The following RNF121 variants were observed in gnomAD, a reference collection of about 807,000 sequenced individuals.
RNF121 encodes ring finger protein 121, also known as E3 ubiquitin ligase RNF121.
In RNF121, 21 loss-of-function variants were observed where a neutral mutation model predicts 46.5. The observed-to-expected ratio is 0.45, with a 90% CI of 0.32 to 0.65. The LOEUF (loss-of-function observed/expected upper bound fraction) is 0.65, where lower values mean the gene tolerates loss of function less well. RNF121 is among the 30% of genes least tolerant of loss of function. The pLI, the probability that RNF121 is intolerant of heterozygous loss-of-function variation, is 0.04. For synonymous variants in RNF121, 139 were observed against 144.7 expected, an observed-to-expected ratio of 0.96 and a Z score of 0.28; for missense variants, 346 against 416.0, an observed-to-expected ratio of 0.83 and a Z score of 1.46.
intron 6 of RNF121, among the ~76,000 whole-genome samples, chr11:71,994,086 C>A (rs1360187252): frequency 6.6e-6 from 1 of 152,124 alleles, no homozygotes; most frequent in African/African-American, 2.4e-5. Flanking sequence ...GTGATCCGCC[C>A]TCCTTGGCCT....
Position 71,996,458 on chromosome 11 carries a change from G to C in RNF121, c.*143G>C. 2 of 949,080 alleles carry C rather than the reference G, an allele frequency of 2.1e-6. No individual in the cohort carries two copies. The highest frequency in any genetic ancestry group is 3.1e-6 in the Non-Finnish European group (2 of 653,048). 58.8% of individuals were successfully genotyped at this position (949,080 alleles called of 1,614,324 possible). A position where few individuals can be genotyped will look rare whatever the true frequency, so the allele number is the denominator to read the frequency against. On this transcript the variant is annotated 3_prime_UTR_variant, in exon 9 of 9. Transcript: ENST00000361756. ...AGGACCCCTCTGGCTGTGTCGGACT[G>C]GGGAGGGATATGATGGAGAGCCAGC... is the stretch of plus-strand genomic sequence containing the variant.
chr11:71,930,526 C>A (rs1953253422), intron 1 of RNF121, among the ~76,000 whole-genome samples: 1 of 75,120 alleles, frequency 1.3e-5, no homozygotes, highest in South Asian at 5.4e-4. Context: ...TTGTAGTCTT[C>A]TACCTCCCAA....
intron 5 of RNF121, among the ~76,000 whole-genome samples, chr11:71,989,106 A>G (rs193253012): frequency 7.4e-6 from 1 of 135,074 alleles, no homozygotes; most frequent in Non-Finnish European, 1.6e-5. Context: ...TTGTTTTGAG[A>G]TGGAGTCTTG....
chr11:71,970,765 T>C (rs1318354814), intron 3 of RNF121, among the ~76,000 whole-genome samples: 1 of 152,198 alleles, frequency 6.6e-6, no homozygotes, highest in Non-Finnish European at 1.5e-5. Context: ...AATTTATTTT[T>C]TTCTCTACCT....
At chr11:71,984,697 G>C (rs990705378) in intron 4 of RNF121, among the ~76,000 whole-genome samples, 1 of 148,810 alleles carries the variant, frequency 6.7e-6, no homozygotes, top group Non-Finnish European at 1.5e-5. Context: ...TCCTGGCTTA[G>C]CCTCCCAAGT....
At chr11:71,974,164 A>G (rs765611739) in intron 3 of RNF121, among the ~76,000 whole-genome samples, 44 of 152,086 alleles carry the variant, frequency 2.9e-4, no homozygotes, top group Non-Finnish European at 2.6e-4. Flanking sequence ...GATGGTCTCA[A>G]TCTCCTGACC....
chr11:71,949,504 C>T (rs1236930533), intron 1 of RNF121, among the ~76,000 whole-genome samples: 2 of 152,052 alleles, frequency 1.3e-5, no homozygotes, highest in Non-Finnish European at 2.9e-5. Flanking sequence ...CACTTGAGGT[C>T]AGGAGTTCAA....
At chr11:71,970,371 A>T (rs143804002) in intron 3 of RNF121, among the ~76,000 whole-genome samples, 1 of 152,346 alleles carries the variant, frequency 6.6e-6, no homozygotes, top group African/African-American at 2.4e-5. Context: ...AAACCACAAA[A>T]GTAGTTTTGG....
intron 1 of RNF121, 130 bp from the exon 2 acceptor site, chr11:71,957,097 G>C (rs1385626047): frequency 1.3e-6 from 1 of 761,076 alleles, no homozygotes; most frequent in African/African-American, 1.7e-5. Context: ...GGTTGGTAAG[G>C]CTTCATAGAG....
chr11:71,929,963 T>G (rs1330353480), intron 1 of RNF121, among the ~76,000 whole-genome samples: 2 of 152,230 alleles, frequency 1.3e-5, no homozygotes, highest in Non-Finnish European at 2.9e-5. Flanking sequence ...TCTTCTGGAT[T>G]TATGAGTTCC....
intron 1 of RNF121, among the ~76,000 whole-genome samples, chr11:71,938,310 C>A: frequency 1.2e-5 from 1 of 86,474 alleles, no homozygotes; most frequent in Non-Finnish European, 2.4e-5. Flanking sequence ...TGTGTAGTCT[C>A]TTAATTTTTT....
At chr11:71,987,953 C>A (rs1345604867) in intron 5 of RNF121, among the ~76,000 whole-genome samples, 1 of 152,154 alleles carries the variant, frequency 6.6e-6, no homozygotes. Context: ...ATGTCGCAGT[C>A]CAGATGTGTT....
chr11:71,941,394 G>T (rs1953564744), intron 1 of RNF121, among the ~76,000 whole-genome samples: 2 of 152,196 alleles, frequency 1.3e-5, no homozygotes, highest in Non-Finnish European at 2.9e-5. Flanking sequence ...TTTGTGGTCT[G>T]TATTAATTAT....
intron 1 of RNF121, among the ~76,000 whole-genome samples, chr11:71,953,206 T>C (rs926907337): frequency 2.6e-5 from 4 of 152,096 alleles, no homozygotes; most frequent in African/African-American, 7.2e-5. Flanking sequence ...GCTAATTTAT[T>C]TATTTTTTGT....
chr11:71,994,850 T>C lies in RNF121; in HGVS notation c.759T>C (p.His253=). The change falls in exon 7 of 9, where the codon CAT becomes CAC. Residue 253 remains histidine (H), a splice_region_variant and synonymous_variant. Transcript: ENST00000361756. ...IENTYRLSCN[H]VFHEFCIRGW... is the part of the protein sequence containing the mutation. ...ACACGTATAGGCTGTCCTGCAATCA[T>C]GTGTATCCTGCCTCGAGCTCCTGGG... The C allele has an allele frequency of 6.2e-7, 1 of 1,614,184 alleles. No individual in the cohort carries two copies. The highest frequency in any genetic ancestry group is 8.5e-7 in the Non-Finnish European group (1 of 1,180,014).
chr11:71,986,798 A>T (rs562001992), intron 4 of RNF121, among the ~76,000 whole-genome samples: 1 of 151,608 alleles, frequency 6.6e-6, no homozygotes, highest in Admixed American at 6.6e-5. Context: ...AAGAAAAAAA[A>T]TACAAAGCCC....
At chr11:71,976,180 T>G (rs1954522018) in intron 3 of RNF121, among the ~76,000 whole-genome samples, 1 of 152,046 alleles carries the variant, frequency 6.6e-6, no homozygotes, top group Admixed American at 6.6e-5. Context: ...CCAGGCCTTT[T>G]ATTATAATCC....
intron 3 of RNF121, among the ~76,000 whole-genome samples, chr11:71,981,942 G>A (rs375505999): frequency 3.9e-4 from 60 of 152,278 alleles, no homozygotes; most frequent in African/African-American, 1.4e-3. Flanking sequence ...AAGAAAATGC[G>A]TTTGGAGCAC....
chr11:71,960,780 C>T lies in RNF121; in HGVS notation c.132C>T (p.His44=). Residue 44 remains histidine (H), a synonymous_variant, in exon 3 of 9, where the codon CAC becomes CAT. Coordinates refer to ENST00000361756, the MANE Select transcript of RNF121 (RefSeq NM_018320.5). ...RVEHARMHAK[H]RGHEAMHAEM... is the part of the protein sequence containing the mutation. ...AGCACGCACGCATGCATGCCAAGCA[C>T]CGTGGCCATGAAGCTATGCATGCTG... The T allele has an allele frequency of 6.2e-7, 1 of 1,614,128 alleles. No homozygotes were observed.
Sources: allele counts gnomAD v4.1 joint callset (sites outside exome capture counted in the v4.1 genomes callset), GRCh38; gene constraint gnomAD v4.1.1; transcripts MANE v1.5; gene names NCBI Gene and HGNC (gene_info 2026-07-23, HGNC 2026-07-21).